PRRC2B: variants seen among roughly 807,000 people sequenced by gnomAD.
PRRC2B encodes the protein protein PRRC2B.
PRRC2B carries 68 observed loss-of-function variants against 242.3 expected under a neutral mutation model. The observed-to-expected ratio is 0.28, with a 90% CI of 0.23 to 0.34. PRRC2B has a LOEUF of 0.34. Among genes scored for constraint, PRRC2B ranks in the 10% least tolerant of loss-of-function variants. The pLI is 1.00. For missense variants in PRRC2B, 2,835 were observed against 2,954.8 expected, an observed-to-expected ratio of 0.96 and a Z score of 0.94; for synonymous variants, 1,228 against 1,173.6, an observed-to-expected ratio of 1.05 and a Z score of -0.95.
At chr9:131,420,471 TTCTTTCTTTCTTTCTTTCTTTC>T (rs1837786851) in intron 1 of PRRC2B, among the ~76,000 whole-genome samples, 1 of 19,720 alleles carries the variant, frequency 5.1e-5, no homozygotes, top group African/African-American at 1.6e-4. Flanking sequence ...CTTTCTTTCT[TTCTTTCTTTCTTTCTTTCTTTC>T]TTTTTTTTTT....
intron 10 of PRRC2B, among the ~76,000 whole-genome samples, chr9:131,456,817 A>G (rs4451346): frequency 0.94 from 143,599 of 152,216 alleles, 68,065 homozygotes; most frequent in East Asian, 1. Flanking sequence ...AAAAATTAAT[A>G]ATAACAATCA....
upstream of PRRC2B, among the ~76,000 whole-genome samples, chr9:131,392,586 G>T (rs946635427): frequency 6.6e-6 from 1 of 152,154 alleles, no homozygotes; most frequent in South Asian, 2.1e-4. Flanking sequence ...TGTAGAGATA[G>T]CGAAATATTG....
chr9:131,396,553 C>T (rs1375219023), intron 1 of PRRC2B, among the ~76,000 whole-genome samples: 1 of 151,964 alleles, frequency 6.6e-6, no homozygotes, highest in African/African-American at 2.4e-5. Flanking sequence ...CTCAGACATC[C>T]GACTTCAGGT....
chr9:131,476,728 T>C (rs1225626757), intron 16 of PRRC2B, among the ~76,000 whole-genome samples, 193 bp downstream of exon 16: 9 of 148,172 alleles, frequency 6.1e-5, no homozygotes, highest in Admixed American at 2.7e-4. Flanking sequence ...TGGCTAGAGC[T>C]CCCACCCCCA....
At chr9:131,383,624 C>G (rs1191905385) in intron 1 of PRRC2B, among the ~76,000 whole-genome samples, 1 of 116,096 alleles carries the variant, frequency 8.6e-6, no homozygotes, top group Non-Finnish European at 1.7e-5. Context: ...TTTTTTGAGA[C>G]AGAGTCTCGC....
chr9:131,460,786 C>G (rs1027346636), intron 11 of PRRC2B, among the ~76,000 whole-genome samples: 1 of 152,076 alleles, frequency 6.6e-6, no homozygotes, highest in African/African-American at 2.4e-5. Flanking sequence ...TCATCTTTCC[C>G]GGATGCATGA....
At chr9:131,473,892 T>C (rs1416117567) in intron 15 of PRRC2B, among the ~76,000 whole-genome samples, 168 bp downstream of exon 15, 1 of 152,172 alleles carries the variant, frequency 6.6e-6, no homozygotes, top group African/African-American at 2.4e-5. Flanking sequence ...GGAGGATTGC[T>C]TGAATGCTTT....
rs995325090 is a variant in PRRC2B at position 131,474,531 on chromosome 9, G to C, written c.2402G>C (p.Gly801Ala). The C allele has an allele frequency of 1.9e-6, 3 of 1,613,836 alleles. No homozygotes were observed. In the African/African-American group the frequency reaches 4.0e-5, roughly 22 times the overall value. Residue 801 changes from glycine to alanine, a missense_variant, in exon 16 of 32, where the codon GGG becomes GCG. Gly to Ala is a moderately conservative substitution (Grantham distance 60). This residue lies in a region of PRRC2B where 1,536 missense variants were observed against 1,483.1 expected (regional missense o/e 1.04). Transcript: ENST00000683519. ...CAGCGCGATCTCTTTGAGGAGAGAG[G>C]GGAGGAGTACTTGAGTGCTTTTGAC... Reference protein sequence around the residue: ...SAQRDLFEERGEEYLSAFDKK... With the variant: ...SAQRDLFEERAEEYLSAFDKK...
At chr9:131,399,530 G>T (rs1564273477) in intron 1 of PRRC2B, among the ~76,000 whole-genome samples, 1 of 152,032 alleles carries the variant, frequency 6.6e-6, no homozygotes, top group Non-Finnish European at 1.5e-5. Flanking sequence ...AGTGAGCCGA[G>T]ATCACGACAC....
chr9:131,393,858 C>A (rs1475282220), upstream of PRRC2B, among the ~76,000 whole-genome samples: 10 of 151,692 alleles, frequency 6.6e-5, no homozygotes, highest in South Asian at 2.1e-3. Flanking sequence ...CCGGGCCCCT[C>A]CCCACTCCCA....
intron 10 of PRRC2B, among the ~76,000 whole-genome samples, chr9:131,458,166 T>G (rs1943137241): frequency 6.6e-6 from 1 of 152,100 alleles, no homozygotes; most frequent in Admixed American, 6.5e-5. Flanking sequence ...CTCTTTTTAT[T>G]GTGGCACTGT....
chr9:131,455,195 T>G (rs1250919982), intron 10 of PRRC2B, 29 bp downstream of exon 10: 10 of 1,470,024 alleles, frequency 6.8e-6, no homozygotes, highest in Non-Finnish European at 9.5e-6. Context: ...CCTATCAGCA[T>G]GAGTGCATCC....
In PRRC2B at chr9:131,447,774, C is replaced by T. The variant is rs12380838; in HGVS notation, c.1090C>T (p.Leu364=). 6 of 1,613,514 alleles carry T rather than the reference C, an allele frequency of 3.7e-6. No individual in the cohort carries two copies. Among genetic ancestry groups the T allele is most frequent in the Non-Finnish European group, 5.1e-6 (6 of 1,179,576 alleles). Residue 364 remains leucine (L), a synonymous_variant, in exon 9 of 32, where the codon CTG becomes TTG. Transcript: ENST00000683519. ...GGAAAACCTGAAGGGCCTTGACGAT[C>T]TGGACGCCGATGCCGATGATGGCTG... The part of the protein sequence containing the change: ...NAENLKGLDD[L]DADADDGWAG...
At chr9:131,486,510 T>A in intron 26 of PRRC2B, 1 of 985,462 alleles carries the variant, frequency 1.0e-6, no homozygotes, top group East Asian at 1.1e-4. Flanking sequence ...AAGAAAGGCC[T>A]AAACTCCCAG....
chr9:131,395,761 C>CGCTT (rs1837034920), intron 1 of PRRC2B, among the ~76,000 whole-genome samples: 1 of 152,068 alleles, frequency 6.6e-6, no homozygotes, highest in Non-Finnish European at 1.5e-5. Flanking sequence ...CATTAGTGGG[C>CGCTT]GCTTATACAG....
intron 3 of PRRC2B, among the ~76,000 whole-genome samples, chr9:131,435,658 A>G (rs1403575533): frequency 6.6e-6 from 1 of 151,626 alleles, no homozygotes; most frequent in Non-Finnish European, 1.5e-5. Flanking sequence ...TTCTTATTGC[A>G]GTTGTATCTG....
chr9:131,435,256 C>T (rs933980076), intron 3 of PRRC2B, among the ~76,000 whole-genome samples: 1 of 151,210 alleles, frequency 6.6e-6, no homozygotes, highest in African/African-American at 2.4e-5. Context: ...CGAGATCATG[C>T]CACTGCACTT....
intron 1 of PRRC2B, among the ~76,000 whole-genome samples, chr9:131,417,207 G>A (rs1837682479): frequency 6.6e-6 from 1 of 152,152 alleles, no homozygotes; most frequent in African/African-American, 2.4e-5. Flanking sequence ...TGCCTGAGGA[G>A]TGGAGGGTGG....
intron 2 of PRRC2B, among the ~76,000 whole-genome samples, chr9:131,430,583 GTGTGTGTGTGTGTATA>G (rs1445114298): frequency 1.5e-5 from 2 of 135,464 alleles, no homozygotes; most frequent in African/African-American, 3.0e-5. Flanking sequence ...GTGTGTGTGT[GTGTGTGTGTGTGTATA>G]TATATGTTTT....
Sources: allele counts gnomAD v4.1 joint callset (sites outside exome capture counted in the v4.1 genomes callset), GRCh38; gene constraint gnomAD v4.1.1; regional missense constraint gnomAD v4.1.1; transcripts MANE v1.5; gene names NCBI Gene and HGNC (gene_info 2026-07-23, HGNC 2026-07-21).